The following DOCK3 variants were observed in gnomAD, a reference collection of about 807,000 sequenced individuals.
DOCK3 encodes the protein dedicator of cytokinesis 3, also known as dedicator of cytokinesis protein 3.
A neutral mutation model predicts 265.6 loss-of-function variants in DOCK3; 60 were observed. That is an observed-to-expected ratio of 0.23 (90% CI 0.18 to 0.28). The LOEUF (loss-of-function observed/expected upper bound fraction) is 0.28. DOCK3 is among the 10% of genes least tolerant of loss of function. DOCK3 has a pLI of 1.00. For missense variants in DOCK3, 1,981 were observed against 2,594.3 expected, an observed-to-expected ratio of 0.76 and a Z score of 5.14; for synonymous variants, 881 against 938.0, an observed-to-expected ratio of 0.94 and a Z score of 1.11.
Position 51,374,478 on chromosome 3 carries a change from C to T in DOCK3, c.5303C>T (p.Ser1768Phe), listed in dbSNP as rs1370507330. The T allele has an allele frequency of 6.2e-7, 1 of 1,613,208 alleles. No homozygotes were observed. Among genetic ancestry groups the T allele is most frequent in the South Asian group, 1.1e-5 (1 of 90,766 alleles). Residue 1768 changes from serine (S) to phenylalanine (F), a missense_variant, in exon 50 of 53, where the codon TCT becomes TTT. By Grantham distance (155) the Ser-to-Phe change is radical. This residue lies in a region of DOCK3 where 1,357 missense variants were observed against 1,866.8 expected (regional missense o/e 0.73). Transcript: ENST00000266037. This position sits in a 1 kb window ranked among gnomAD's most constrained non-coding sequence, Gnocchi z 4.8. ...TCTCACTTGGTTACAGGCTCTCCCT[C>T]TCTGCCAGATAAGTACCGCCATGCC... ...SAPSSARGSP[S>F]LPDKYRHARE...
At position 51,090,393 on chromosome 3, in the gene DOCK3, C is replaced by CA; in HGVS notation, c.746+10dup. On this transcript the variant is annotated intron_variant, in intron 9 of 52. Transcript: ENST00000266037. Reference sequence around the variant, plus strand: ...GAAGGCAAGCAGATCAGGTGAGAGTCACTGGAAATTCTGGTGAGGTTCTAT... The same window carrying CA: ...GAAGGCAAGCAGATCAGGTGAGAGTCAACTGGAAATTCTGGTGAGGTTCTAT... 6.3e-7 allele frequency: 1 copy of CA among 1,598,890 alleles called. No individual in the cohort carries two copies. The highest frequency in any genetic ancestry group is 8.5e-7 in the Non-Finnish European group (1 of 1,172,542).
chr3:50,754,558 C>CT (rs541191723), intron 1 of DOCK3, among the ~76,000 whole-genome samples: 626 of 136,658 alleles, frequency 4.6e-3, no homozygotes, highest in African/African-American at 9.0e-3. Flanking sequence ...GTTTTAACAA[C>CT]TTTTTTTTTT....
At position 51,350,435 on chromosome 3, in the gene DOCK3, C is replaced by T. The variant is rs374821936; in HGVS notation, c.4107+43C>T. The T allele has an allele frequency of 8.2e-6, 13 of 1,579,186 alleles. No homozygotes were observed. In the African/African-American group the frequency reaches 1.1e-4, roughly 13 times the overall value. ...GTCACAAGAACTTATATATTTTACG[C>T]ATAATTCACTTAAAACCGATATTCT... On this transcript the variant is annotated intron_variant, in intron 40 of 52. Transcript: ENST00000266037.
chr3:50,989,248 A>G (rs2078014523), intron 5 of DOCK3, among the ~76,000 whole-genome samples: 1 of 152,044 alleles, frequency 6.6e-6, no homozygotes, highest in South Asian at 2.1e-4. Context: ...CACGCAGATG[A>G]CCTTTCGGCA....
chr3:51,062,627 A>T (rs1352400919), intron 5 of DOCK3, among the ~76,000 whole-genome samples: 2 of 152,224 alleles, frequency 1.3e-5, no homozygotes, highest in Non-Finnish European at 2.9e-5. Flanking sequence ...CAAAAGTGCC[A>T]TGAGAGCAGG....
chr3:50,694,257 G>A (rs538596269), intron 1 of DOCK3, among the ~76,000 whole-genome samples: 3 of 151,808 alleles, frequency 2.0e-5, no homozygotes, highest in Non-Finnish European at 4.4e-5. Flanking sequence ...GGGATAGAGC[G>A]AGACTTTGTC....
At chr3:51,113,440 G>C (rs2083604183) in intron 9 of DOCK3, among the ~76,000 whole-genome samples, 1 of 152,094 alleles carries the variant, frequency 6.6e-6, no homozygotes, top group Non-Finnish European at 1.5e-5. Flanking sequence ...TAATCTACTG[G>C]TATTGGCCCC....
At chr3:51,288,719 G>A (rs1157379947) in intron 27 of DOCK3, among the ~76,000 whole-genome samples, 8 of 152,182 alleles carry the variant, frequency 5.3e-5, no homozygotes, top group African/African-American at 1.9e-4. Flanking sequence ...CTGAAAATGA[G>A]TTTGAAAGAA....
chr3:50,824,435 G>T (rs2044641330), intron 2 of DOCK3, among the ~76,000 whole-genome samples: 1 of 152,130 alleles, frequency 6.6e-6, no homozygotes, highest in East Asian at 1.9e-4. Flanking sequence ...GCAAAGGAGG[G>T]TTGTAATTTG....
intron 9 of DOCK3, among the ~76,000 whole-genome samples, chr3:51,120,030 G>T (rs1029801664): frequency 1.3e-5 from 2 of 151,962 alleles, no homozygotes; most frequent in African/African-American, 4.8e-5. Context: ...TGATCCTTTG[G>T]AGGAGAAGAG....
intron 32 of DOCK3, among the ~76,000 whole-genome samples, chr3:51,327,351 G>GT (rs1312160930): frequency 6.6e-6 from 1 of 152,186 alleles, no homozygotes; most frequent in Non-Finnish European, 1.5e-5. Flanking sequence ...TTTCACAAAT[G>GT]TAGAAACTTG....
At chr3:51,112,422 A>G (rs2083560531) in intron 9 of DOCK3, among the ~76,000 whole-genome samples, 1 of 152,238 alleles carries the variant, frequency 6.6e-6, no homozygotes, top group South Asian at 2.1e-4. Context: ...AGTATTCACT[A>G]GAAAGATCAC....
At chr3:50,900,292 C>T (rs893142181) in intron 4 of DOCK3, among the ~76,000 whole-genome samples, 2 of 152,098 alleles carry the variant, frequency 1.3e-5, no homozygotes, top group Non-Finnish European at 1.5e-5. Context: ...GTGTATGCTT[C>T]ACGAAGTTCT....
At chr3:50,945,599 G>T (rs2108272360) in intron 5 of DOCK3, among the ~76,000 whole-genome samples, 1 of 152,248 alleles carries the variant, frequency 6.6e-6, no homozygotes, top group South Asian at 2.1e-4. Context: ...ATCCCTGGAA[G>T]ATTAAATTTG....
Position 50,823,318 on chromosome 3 carries a change from CCA to C in DOCK3, c.122-18354_122-18353del, listed in dbSNP as rs528099757. On this transcript the variant is annotated intron_variant, in intron 2 of 52. Coordinates refer to ENST00000266037, the MANE Select transcript of DOCK3 (RefSeq NM_004947.5). The stretch of plus-strand genomic sequence containing the variant: ...GAGGACCCTGCGGCCTTCCGGCCTT[CCA>C]CAGTGTTTGTGTCCCTGAGTACTTG... Among the ~76,000 whole-genome samples the C allele has an allele frequency of 5.2e-3, 791 of 152,316 alleles. 2 individuals carry two copies. The highest frequency in any genetic ancestry group is 0.018 in the African/African-American group (753 of 41,562).
At chr3:51,087,302 T>A (rs1231903005) in intron 7 of DOCK3, among the ~76,000 whole-genome samples, 1 of 152,202 alleles carries the variant, frequency 6.6e-6, no homozygotes, top group Non-Finnish European at 1.5e-5. Context: ...CAAATGGAAT[T>A]TATCCCAGTG....
intron 1 of DOCK3, among the ~76,000 whole-genome samples, chr3:50,722,305 C>G (rs1360773837): frequency 6.6e-6 from 1 of 152,154 alleles, no homozygotes; most frequent in Non-Finnish European, 1.5e-5. Flanking sequence ...AGAGAAAGAT[C>G]AAGTTCTGTG....
chr3:50,895,802 T>TA (rs1468258187), intron 4 of DOCK3, among the ~76,000 whole-genome samples: 1 of 152,100 alleles, frequency 6.6e-6, no homozygotes, highest in Non-Finnish European at 1.5e-5. Context: ...TGCTGAGAAT[T>TA]ATGGTTTCCA....
intron 27 of DOCK3, among the ~76,000 whole-genome samples, chr3:51,301,563 CTT>C (rs909242117): frequency 6.6e-6 from 1 of 152,122 alleles, no homozygotes; most frequent in South Asian, 2.1e-4. Flanking sequence ...AAATTTCCCT[CTT>C]AACACTCTTT....
Sources: allele counts gnomAD v4.1 joint callset (sites outside exome capture counted in the v4.1 genomes callset), GRCh38; gene constraint gnomAD v4.1.1; regional missense constraint gnomAD v4.1.1; non-coding constraint Gnocchi (gnomAD v3.1); transcripts MANE v1.5; gene names NCBI Gene and HGNC (gene_info 2026-07-23, HGNC 2026-07-21).